TMCC2: variants seen among roughly 807,000 people sequenced by gnomAD.
The protein encoded by TMCC2 is transmembrane and coiled-coil domain family 2.
Under a neutral mutation model 49.4 loss-of-function variants are expected in TMCC2, and 16 were observed. The observed-to-expected ratio is 0.32, with a 90% CI of 0.22 to 0.49. The LOEUF is 0.49. TMCC2 is among the 20% of genes least tolerant of loss of function. The pLI, the probability that TMCC2 is intolerant of heterozygous loss-of-function variation, is 0.99. For missense variants in TMCC2, 762 were observed against 989.8 expected (o/e 0.77, Z 3.09); for synonymous variants, 397 against 434.1 (o/e 0.91, Z 1.06).
intron 2 of TMCC2, chr1:205,246,583 G>A (rs915862908): frequency 3.0e-5 from 46 of 1,549,684 alleles, no homozygotes; most frequent in Non-Finnish European, 3.6e-5. Flanking sequence ...AGGGTGGCGT[G>A]GCTTTGTGAA....
intron 1 of TMCC2, among the ~76,000 whole-genome samples, chr1:205,239,083 G>GACCCTCTAAA (rs778060347): frequency 1.9e-4 from 29 of 152,160 alleles, no homozygotes; most frequent in Non-Finnish European, 3.8e-4. Context: ...CAGAACTCTA[G>GACCCTCTAAA]GACCTCTGCT....
chr1:205,236,161 G>GGA (rs1327085686), intron 1 of TMCC2, among the ~76,000 whole-genome samples: 1 of 152,042 alleles, frequency 6.6e-6, no homozygotes, highest in Non-Finnish European at 1.5e-5. Flanking sequence ...TGTCCACCAG[G>GGA]GAAAACAAAT....
chr1:205,270,620 C>T (rs943571358), intron 3 of TMCC2, among the ~76,000 whole-genome samples: 3 of 152,316 alleles, frequency 2.0e-5, no homozygotes, highest in African/African-American at 7.2e-5. Context: ...AGGGGAGCCC[C>T]ACCTAAAAGC....
chr1:205,244,173 A>C (rs1660372741), intron 2 of TMCC2, among the ~76,000 whole-genome samples: 1 of 152,172 alleles, frequency 6.6e-6, no homozygotes, highest in Non-Finnish European at 1.5e-5. Flanking sequence ...GCTGGGAAGA[A>C]GGAGGGTATC....
At chr1:205,257,206 TG>T in intron 2 of TMCC2, 1 of 1,232,432 alleles carries the variant, frequency 8.1e-7, no homozygotes, top group Non-Finnish European at 1.0e-6. Context: ...AGTCTGGAGA[TG>T]GCGGCTGCAG....
chr1:205,262,916 C>T (rs932251776), intron 2 of TMCC2, among the ~76,000 whole-genome samples: 8 of 152,184 alleles, frequency 5.3e-5, no homozygotes, highest in East Asian at 1.9e-4. Flanking sequence ...ACTAGGATCT[C>T]GTGGTGAGTC....
chr1:205,236,411 G>C (rs534246963), intron 1 of TMCC2: 3 of 152,228 alleles, frequency 2.0e-5, no homozygotes, highest in Non-Finnish European at 4.4e-5. Context: ...CTTTGGAAAA[G>C]GTAGTCATCT....
Position 205,271,887 on chromosome 1 carries a change from G to T in TMCC2, c.1893G>T (p.Leu631=), listed in dbSNP as rs1413819112. The change falls in exon 5 of 5, where the codon CTG becomes CTT. Residue 631 remains leucine (L), a synonymous_variant. Transcript: ENST00000358024. ...LQQQQQQVVQ[L]EGVENANARA... is the part of the protein sequence containing the mutation. ...AGCAACAGCAGCAGGTGGTACAGCT[G>T]GAGGGCGTGGAGAATGCCAACGCGC... 2.5e-6 allele frequency: 4 copies of T among 1,614,004 alleles called. No individual in the cohort carries two copies. In the East Asian group the frequency reaches 8.9e-5, roughly 36 times the overall value.
chr1:205,270,398 C>T (rs1353827470), intron 3 of TMCC2, among the ~76,000 whole-genome samples: 4 of 152,166 alleles, frequency 2.6e-5, no homozygotes, highest in Non-Finnish European at 5.9e-5. Flanking sequence ...AACCTCCAGT[C>T]GGAGCTCCTG....
At position 205,264,931 on chromosome 1, in the gene TMCC2, G is replaced by C. The variant is rs552262172; in HGVS notation, c.748-4019G>C. On this transcript the variant is annotated intron_variant, in intron 2 of 4. Coordinates refer to ENST00000358024, the MANE Select transcript of TMCC2 (RefSeq NM_014858.4). The surrounding 1 kb of genome is among the most constrained non-coding windows in gnomAD (Gnocchi z 4.2). Reference sequence around the variant, plus strand: ...CAAAACATTTAGAATTTGAGAAAAAGAGAAGAGCCCAGAGGCCATAGGGAA... The same window carrying C: ...CAAAACATTTAGAATTTGAGAAAAACAGAAGAGCCCAGAGGCCATAGGGAA... Among the ~76,000 whole-genome samples the C allele has an allele frequency of 6.6e-6, 1 of 152,350 alleles. No individual in the cohort carries two copies. The highest frequency in any genetic ancestry group is 2.4e-5 in the African/African-American group (1 of 41,580).
intron 2 of TMCC2, among the ~76,000 whole-genome samples, chr1:205,248,017 T>C (rs942232689): frequency 6.6e-6 from 1 of 152,222 alleles, no homozygotes; most frequent in Non-Finnish European, 1.5e-5. Flanking sequence ...GCCTTGGTGA[T>C]GGTAATTTGG....
At chr1:205,254,533 C>G (rs1350487616) in intron 2 of TMCC2, among the ~76,000 whole-genome samples, 2 of 152,230 alleles carry the variant, frequency 1.3e-5, no homozygotes, top group Non-Finnish European at 2.9e-5. Flanking sequence ...CTGCTGCTAG[C>G]TTGCCTGGCA....
At chr1:205,253,060 C>T (rs577434876) in intron 2 of TMCC2, among the ~76,000 whole-genome samples, 4 of 151,948 alleles carry the variant, frequency 2.6e-5, no homozygotes, top group South Asian at 4.2e-4. Context: ...TTGAGCCCCC[C>T]AGAGTTTGAG....
At chr1:205,252,698 G>T (rs1336876185) in intron 2 of TMCC2, among the ~76,000 whole-genome samples, 2 of 152,098 alleles carry the variant, frequency 1.3e-5, no homozygotes, top group African/African-American at 4.8e-5. Flanking sequence ...TTTTTTTAAG[G>T]CCTCACCTTG....
At chr1:205,248,616 C>T (rs75914106) in intron 2 of TMCC2, among the ~76,000 whole-genome samples, 252 of 152,240 alleles carry the variant, frequency 1.7e-3, no homozygotes, top group Non-Finnish European at 3.1e-3. Context: ...GCACAAGCCC[C>T]GGGGACTAGA....
chr1:205,269,172 G>T lies in TMCC2; in HGVS notation c.970G>T (p.Ala324Ser), dbSNP rs375328575. The T allele has an allele frequency of 1.2e-6, 2 of 1,614,116 alleles. No individual in the cohort carries two copies. The highest frequency in any genetic ancestry group is 1.3e-5 in the African/African-American group (1 of 75,052). ...AGAGTATCTGAAACTGGCCAACAAC[G>T]CGGACAAGCAGCAGGTGTCACGCAT... is the stretch of plus-strand genomic sequence containing the variant. ...VAEYLKLANN[A>S]DKQQVSRIKQ... Residue 324 changes from alanine to serine, a missense_variant, in exon 3 of 5, where the codon GCG becomes TCG. Ala to Ser is a moderately conservative substitution (Grantham distance 99). Transcript: ENST00000358024.
intron 2 of TMCC2, among the ~76,000 whole-genome samples, chr1:205,248,139 G>A (rs1017516850): frequency 1.3e-5 from 2 of 152,234 alleles, no homozygotes; most frequent in Non-Finnish European, 2.9e-5. Flanking sequence ...GGGCAAGGTG[G>A]CTCCTGCCTG....
intron 2 of TMCC2, among the ~76,000 whole-genome samples, chr1:205,248,278 G>A (rs1032159512): frequency 2.6e-5 from 4 of 152,062 alleles, no homozygotes; most frequent in Non-Finnish European, 5.9e-5. Flanking sequence ...GTGTGGTAGC[G>A]TGCACCTGTA....
chr1:205,239,082 A>G (rs1314102723), intron 1 of TMCC2, among the ~76,000 whole-genome samples: 2 of 152,134 alleles, frequency 1.3e-5, no homozygotes, highest in Non-Finnish European at 2.9e-5. Context: ...TCAGAACTCT[A>G]GGACCTCTGC....
Sources: gnomAD v4.1 joint callset for allele counts (sites outside exome capture counted in the v4.1 genomes callset) on GRCh38, gnomAD v4.1.1 for gene constraint, Gnocchi (gnomAD v3.1) non-coding constraint, MANE v1.5 for transcripts, NCBI Gene and HGNC (gene_info 2026-07-23, HGNC 2026-07-21) for gene names.